The following SLC25A28 variants were observed in gnomAD, a reference collection of about 807,000 sequenced individuals.
SLC25A28 encodes the protein solute carrier family 25 member 28.
A neutral mutation model predicts 31.9 loss-of-function variants in SLC25A28; 10 were observed. That is an observed-to-expected ratio of 0.31 (90% confidence interval 0.19 to 0.53). The LOEUF (loss-of-function observed/expected upper bound fraction) is 0.53. Ranked by LOEUF, SLC25A28 falls within the 20% of genes least tolerant of loss-of-function variation. The pLI is 0.95. For missense variants in SLC25A28, 256 were observed against 490.3 expected (o/e 0.52, Z 4.51); for synonymous variants, 208 against 203.6 (o/e 1.02, Z -0.19).
At chr10:99,657,866 A>G in the SLC25A28 span, among the ~76,000 whole-genome samples, 3 of 152,144 alleles carry the variant, frequency 2.0e-5, no homozygotes, top group African/African-American at 7.2e-5. Flanking sequence ...CAGAGTATAC[A>G]TGAAACCTTC....
intron 3 of SLC25A28, among the ~76,000 whole-genome samples, chr10:99,612,250 A>G (rs766580289): frequency 1.3e-5 from 2 of 152,236 alleles, no homozygotes; most frequent in Non-Finnish European, 2.9e-5. Flanking sequence ...TGAATCTGCT[A>G]AACTTTCAGG....
At chr10:99,618,179 G>A (rs2034701417) in intron 1 of SLC25A28, 1 of 792,052 alleles carries the variant, frequency 1.3e-6, no homozygotes, top group Non-Finnish European at 1.5e-6. Context: ...AAATATTCTA[G>A]AAGCATTTTT....
chr10:99,621,067 C>T, upstream of SLC25A28: 2 of 851,380 alleles, frequency 2.3e-6, no homozygotes, highest in African/African-American at 1.8e-5. Context: ...CGGCCTGGGC[C>T]GGTCATCCCT....
chr10:99,620,791 G>A (rs1167021691), upstream of SLC25A28: 4 of 985,364 alleles, frequency 4.1e-6, no homozygotes, highest in African/African-American at 7.0e-5. Flanking sequence ...TCCCCGATTG[G>A]CTACAGAAAG....
the SLC25A28 span, among the ~76,000 whole-genome samples, chr10:99,645,026 T>C: frequency 1.3e-5 from 2 of 152,216 alleles, no homozygotes; most frequent in South Asian, 2.1e-4. Flanking sequence ...CTGACAATTA[T>C]GTGTCTTGGA....
the SLC25A28 span, among the ~76,000 whole-genome samples, chr10:99,646,976 T>A: frequency 6.6e-6 from 1 of 152,222 alleles, no homozygotes; most frequent in Non-Finnish European, 1.5e-5. Context: ...GTTCCACCAG[T>A]GTTGCTGGGA....
the SLC25A28 span, among the ~76,000 whole-genome samples, chr10:99,632,229 G>T: frequency 2.1e-4 from 32 of 152,254 alleles, no homozygotes; most frequent in Non-Finnish European, 4.0e-4. Context: ...AAAGTATAAT[G>T]ACTACATAAC....
chr10:99,619,597 G>A (rs1238815956), intron 1 of SLC25A28, among the ~76,000 whole-genome samples: 1 of 152,170 alleles, frequency 6.6e-6, no homozygotes, highest in Admixed American at 6.5e-5. Flanking sequence ...TTCCTGCCCC[G>A]TCAGTAAGGG....
chr10:99,645,341 C>T, the SLC25A28 span, among the ~76,000 whole-genome samples: 1 of 152,156 alleles, frequency 6.6e-6, no homozygotes, highest in East Asian at 1.9e-4. Context: ...TCCACTTGAT[C>T]GAATCAGCTA....
At chr10:99,634,698 C>T in the SLC25A28 span, among the ~76,000 whole-genome samples, 1 of 152,196 alleles carries the variant, frequency 6.6e-6, no homozygotes, top group African/African-American at 2.4e-5. Context: ...GATGAGAAAT[C>T]TAAAAGTTTG....
chr10:99,638,748 T>A, the SLC25A28 span, among the ~76,000 whole-genome samples: 2 of 152,152 alleles, frequency 1.3e-5, no homozygotes, highest in Non-Finnish European at 2.9e-5. Flanking sequence ...ACCACCTTAC[T>A]CCTGCATGAA....
At chr10:99,617,234 G>A in intron 1 of SLC25A28, 1 of 985,416 alleles carries the variant, frequency 1.0e-6, no homozygotes. Flanking sequence ...CCCAGAAAAG[G>A]AAACTGGGAT....
chr10:99,641,124 C>G, the SLC25A28 span, among the ~76,000 whole-genome samples: 2 of 152,156 alleles, frequency 1.3e-5, no homozygotes, highest in African/African-American at 4.8e-5. Context: ...AGTTCTAGAT[C>G]CTTGAGGAAT....
chr10:99,643,098 A>T, the SLC25A28 span, among the ~76,000 whole-genome samples: 3 of 152,038 alleles, frequency 2.0e-5, no homozygotes, highest in Admixed American at 2.0e-4. Context: ...GTCAGGGAGG[A>T]TTCCCTCTTT....
At chr10:99,616,553 C>A in intron 1 of SLC25A28, 3 of 985,306 alleles carry the variant, frequency 3.0e-6, no homozygotes, top group Non-Finnish European at 3.6e-6. Flanking sequence ...CTGTCCTTAG[C>A]CACCAATAAA....
At chr10:99,650,215 T>C in the SLC25A28 span, among the ~76,000 whole-genome samples, 2 of 152,174 alleles carry the variant, frequency 1.3e-5, no homozygotes, top group Non-Finnish European at 2.9e-5. Flanking sequence ...TTTCATTCTG[T>C]CACCCAGGCT....
Position 99,620,438 on chromosome 10 carries a change from C to T in SLC25A28, c.-103G>A, listed in dbSNP as rs1367756972. On this transcript the variant is annotated 5_prime_UTR_variant, in exon 1 of 4. Coordinates refer to ENST00000370495, the MANE Select transcript of SLC25A28 (RefSeq NM_031212.4). ...CCGCCTCAGGCGCGGCCCAGAGAGCCCGGGGCCTCCGGCTCCCGCTTGGCC... is the reference window on the plus strand; with the variant it reads ...CCGCCTCAGGCGCGGCCCAGAGAGCTCGGGGCCTCCGGCTCCCGCTTGGCC... The T allele has an allele frequency of 1.9e-6, 2 of 1,045,586 alleles. No homozygotes were observed. The highest frequency in any genetic ancestry group is 1.1e-6 in the Non-Finnish European group (1 of 869,796). The allele number at this position is 1,045,586 out of a possible 1,614,324, so 64.8% of individuals were successfully genotyped here. A position where few individuals can be genotyped will look rare whatever the true frequency, so the allele number is the denominator to read the frequency against.
the SLC25A28 span, among the ~76,000 whole-genome samples, chr10:99,634,604 A>G: frequency 1.3e-5 from 2 of 152,240 alleles, no homozygotes; most frequent in Non-Finnish European, 2.9e-5. Flanking sequence ...AAGAAAAAAG[A>G]TTAAGAAAAT....
At chr10:99,642,805 C>A in the SLC25A28 span, among the ~76,000 whole-genome samples, 1 of 151,910 alleles carries the variant, frequency 6.6e-6, no homozygotes, top group Admixed American at 6.6e-5. Context: ...AAGGCCTTTG[C>A]TGCATCTATT....
Sources: gnomAD v4.1 joint callset for allele counts (sites outside exome capture counted in the v4.1 genomes callset) on GRCh38, gnomAD v4.1.1 for gene constraint, MANE v1.5 for transcripts, NCBI Gene and HGNC (gene_info 2026-07-23, HGNC 2026-07-21) for gene names.